Variants in ARHGAP6 observed in about 807,000 individuals in gnomAD.
ARHGAP6 encodes rho GTPase-activating protein 6.
In ARHGAP6, 16 loss-of-function variants were observed where a neutral mutation model predicts 55.7. The observed-to-expected ratio is 0.29, with a 90% CI of 0.19 to 0.44. The LOEUF is 0.44. ARHGAP6 is among the 20% of genes least tolerant of loss of function. ARHGAP6 has a pLI of 1.00. For synonymous variants in ARHGAP6, 382 were observed against 360.9 expected, an observed-to-expected ratio of 1.06 and a Z score of -0.66; for missense variants, 698 against 808.9, an observed-to-expected ratio of 0.86 and a Z score of 1.66.
intron 1 of ARHGAP6, among the ~76,000 whole-genome samples, chrX:11,478,974 T>C (rs983394239): frequency 6.2e-5 from 7 of 112,045 alleles, no homozygotes; most frequent in Admixed American, 2.8e-4. Context: ...CATTTTCTGT[T>C]TCCTAGCAGA....
At chrX:11,476,892 C>G (rs2050408259) in intron 1 of ARHGAP6, among the ~76,000 whole-genome samples, 1 of 110,924 alleles carries the variant, frequency 9.0e-6, no homozygotes. Context: ...TAGAAGAAAA[C>G]CTCTGCAATC....
intron 1 of ARHGAP6, among the ~76,000 whole-genome samples, chrX:11,573,543 A>G (rs2051556390): frequency 1.8e-5 from 2 of 109,355 alleles, no homozygotes; most frequent in East Asian, 2.9e-4. Flanking sequence ...CCATTGATCT[A>G]TATCTCTGTT....
At chrX:11,156,713 A>G in intron 9 of ARHGAP6, 87 bp from the exon 10 acceptor site, 1 of 706,664 alleles carries the variant, frequency 1.4e-6, no homozygotes, top group South Asian at 2.6e-5. Flanking sequence ...GTAGCACAAA[A>G]CAGAGCCCTA....
intron 1 of ARHGAP6, among the ~76,000 whole-genome samples, chrX:11,520,098 G>A (rs1399592367): frequency 5.4e-5 from 4 of 74,106 alleles, no homozygotes; most frequent in African/African-American, 2.1e-4. Context: ...TCTGACAAAG[G>A]GCCAATGTTC....
At chrX:11,457,942 C>G (rs1015127659) in intron 1 of ARHGAP6, among the ~76,000 whole-genome samples, 2 of 112,059 alleles carry the variant, frequency 1.8e-5, no homozygotes, top group African/African-American at 6.5e-5. Context: ...CCCAAATAAA[C>G]TACCTGAACT....
At chrX:11,189,386 G>A (rs937327789) in intron 3 of ARHGAP6, among the ~76,000 whole-genome samples, 4 of 111,866 alleles carry the variant, frequency 3.6e-5, no homozygotes, top group African/African-American at 1.3e-4. Flanking sequence ...AATCAGAAAT[G>A]CAAATCATGA....
At chrX:11,362,421 C>T (rs1430441097) in intron 1 of ARHGAP6, among the ~76,000 whole-genome samples, 8 of 109,909 alleles carry the variant, frequency 7.3e-5, no homozygotes, top group Admixed American at 1.9e-4. Context: ...AACCAAACAC[C>T]GCAAGTTCTC....
intron 1 of ARHGAP6, among the ~76,000 whole-genome samples, chrX:11,529,667 A>T (rs2147886968): frequency 8.9e-6 from 1 of 111,948 alleles, no homozygotes; most frequent in African/African-American, 3.2e-5. Flanking sequence ...TAATATGATT[A>T]TTTTAATCAG....
intron 10 of ARHGAP6, among the ~76,000 whole-genome samples, chrX:11,150,491 C>T (rs1249365690): frequency 2.7e-5 from 3 of 111,403 alleles, no homozygotes; most frequent in Admixed American, 9.6e-5. Flanking sequence ...AAGATACATT[C>T]GAACCTATAA....
At chrX:11,564,195 C>T (rs1437136700) in intron 1 of ARHGAP6, among the ~76,000 whole-genome samples, 2 of 111,658 alleles carry the variant, frequency 1.8e-5, no homozygotes, top group Non-Finnish European at 3.8e-5. Flanking sequence ...TTAACTGGAG[C>T]TTATTATGCC....
intron 1 of ARHGAP6, among the ~76,000 whole-genome samples, chrX:11,421,221 G>A (rs2049819246): frequency 1.8e-5 from 2 of 112,334 alleles, no homozygotes; most frequent in African/African-American, 3.2e-5. Context: ...TTTAGAAAGT[G>A]CCATACAAAA....
chrX:11,491,827 C>T (rs1256030675), intron 1 of ARHGAP6, among the ~76,000 whole-genome samples: 5 of 109,506 alleles, frequency 4.6e-5, no homozygotes, highest in Non-Finnish European at 5.7e-5. Context: ...TACAGTCCCA[C>T]CAACAGTGTA....
intron 8 of ARHGAP6, among the ~76,000 whole-genome samples, chrX:11,174,534 C>T (rs1021629028): frequency 6.3e-4 from 41 of 65,038 alleles, no homozygotes; most frequent in African/African-American, 2.3e-3. Flanking sequence ...TCCTTCCTTC[C>T]TTCCTTCCTT....
At chrX:11,302,057 C>CTCTAATACT (rs1351340321) in intron 1 of ARHGAP6, among the ~76,000 whole-genome samples, 1 of 112,247 alleles carries the variant, frequency 8.9e-6, no homozygotes, top group Non-Finnish European at 1.9e-5. Context: ...GGTAATTATA[C>CTCTAATACT]TCTAATACTT....
chrX:11,502,284 T>C lies in ARHGAP6; in HGVS notation c.588+161957A>G, dbSNP rs920445228. Among the ~76,000 whole-genome samples the C allele has an allele frequency of 3.6e-5, 4 of 112,253 alleles. No individual in the cohort carries two copies. The Admixed American group carries it at 3.8e-4, about 11-fold the overall frequency. ...ACATTTGTATAAAATGCAAAATTAA[T>C]CTATGGAGTTACAAGTTGGGATAAT... On this transcript the variant is annotated intron_variant, in intron 1 of 12. Transcript: ENST00000337414.
At chrX:11,415,971 T>A (rs1243783258) in intron 1 of ARHGAP6, among the ~76,000 whole-genome samples, 1 of 111,842 alleles carries the variant, frequency 8.9e-6, no homozygotes, top group East Asian at 2.8e-4. Context: ...ACAGCATTAG[T>A]GTGGTGATAG....
intron 1 of ARHGAP6, among the ~76,000 whole-genome samples, chrX:11,440,752 A>G (rs961992157): frequency 1.8e-5 from 2 of 112,249 alleles, no homozygotes; most frequent in Non-Finnish European, 3.8e-5. Context: ...CACTTGAGTA[A>G]TATTTGTTGA....
At chrX:11,296,529 C>G (rs1002642327) in intron 1 of ARHGAP6, among the ~76,000 whole-genome samples, 2 of 111,809 alleles carry the variant, frequency 1.8e-5, no homozygotes, top group African/African-American at 6.5e-5. Flanking sequence ...AAGGCTATAA[C>G]CCCAGGAACA....
intron 1 of ARHGAP6, among the ~76,000 whole-genome samples, chrX:11,277,047 C>G (rs912434717): frequency 1.8e-5 from 2 of 111,061 alleles, no homozygotes; most frequent in African/African-American, 6.5e-5. Context: ...CCCTCTCACC[C>G]CAGCCCCTGG....
Sources: gnomAD v4.1 joint callset for allele counts (sites outside exome capture counted in the v4.1 genomes callset) on GRCh38, gnomAD v4.1.1 for gene constraint, MANE v1.5 for transcripts, NCBI Gene and HGNC (gene_info 2026-07-23, HGNC 2026-07-21) for gene names.